Variants in PACRG observed in about 807,000 individuals in gnomAD.
PACRG encodes the protein parkin coregulated gene protein.
PACRG carries 29 observed loss-of-function variants against 29.7 expected under a neutral mutation model. The observed-to-expected ratio is 0.98, with a 90% CI of 0.73 to 1.33. The LOEUF is 1.33. PACRG is among the 40% of genes most tolerant of loss of function. PACRG has a pLI of 0.00. For synonymous variants in PACRG, 116 were observed against 118.7 expected, an observed-to-expected ratio of 0.98 and a Z score of 0.15; for missense variants, 279 against 316.2, an observed-to-expected ratio of 0.88 and a Z score of 0.89.
intron 2 of PACRG, among the ~76,000 whole-genome samples, chr6:162,986,927 A>G (rs1306729979): frequency 2.0e-5 from 3 of 150,444 alleles, no homozygotes; most frequent in African/African-American, 7.3e-5. Flanking sequence ...CTTATCCTGT[A>G]TTTTTTTTCA....
intron 2 of PACRG, among the ~76,000 whole-genome samples, chr6:163,039,023 A>G (rs370001917): frequency 5.9e-5 from 9 of 152,050 alleles, no homozygotes; most frequent in Non-Finnish European, 1.3e-4. Flanking sequence ...TCAAATCTCA[A>G]CTCAAACTGT....
chr6:163,000,349 G>A (rs1346796657), intron 2 of PACRG, among the ~76,000 whole-genome samples: 1 of 152,160 alleles, frequency 6.6e-6, no homozygotes, highest in Non-Finnish European at 1.5e-5. Flanking sequence ...GACTTGCCCA[G>A]AAGTCACCCT....
chr6:163,278,574 C>T (rs774923504), intron 4 of PACRG, among the ~76,000 whole-genome samples: 2 of 152,100 alleles, frequency 1.3e-5, no homozygotes, highest in Non-Finnish European at 2.9e-5. Flanking sequence ...ATCTCAGCAC[C>T]ATTTGTTGAA....
chr6:163,100,876 G>A, intron 4 of PACRG: 1 of 984,210 alleles, frequency 1.0e-6, no homozygotes, highest in Non-Finnish European at 1.2e-6. Flanking sequence ...TTTCTTGCTT[G>A]CCTGCTTTCT....
intron 4 of PACRG, among the ~76,000 whole-genome samples, chr6:163,178,514 T>TAGG (rs2128351904): frequency 6.6e-6 from 1 of 152,316 alleles, no homozygotes. Flanking sequence ...AGTATTAAAG[T>TAGG]AGGAGAAGCC....
At chr6:163,030,721 G>A (rs1562847842) in intron 2 of PACRG, among the ~76,000 whole-genome samples, 1 of 152,182 alleles carries the variant, frequency 6.6e-6, no homozygotes, top group Non-Finnish European at 1.5e-5. Flanking sequence ...TATACAAGGG[G>A]TGGACTATTC....
chr6:163,179,038 T>G lies in PACRG; in HGVS notation c.613+89630T>G, dbSNP rs535341043. ...ACTTTTCATTTGTGATGAGCTGAAT[T>G]TTCAGGCTGATGAAATAAGTCACTG... is the stretch of plus-strand genomic sequence containing the variant. On this transcript the variant is annotated intron_variant, in intron 4 of 4. Transcript: ENST00000366888. 1.2e-4 allele frequency among the ~76,000 whole-genome samples: 19 copies of G among 152,362 alleles called. No individual in the cohort carries two copies. The South Asian group carries it at 3.3e-3, about 27-fold the overall frequency.
rs760036755 is a variant in PACRG, at chr6:163,055,311, T to C, written c.292-6839T>C. Among the ~76,000 whole-genome samples the C allele has an allele frequency of 4.6e-5, 7 of 151,876 alleles. No individual in the cohort carries two copies. The highest frequency in any genetic ancestry group is 8.8e-5 in the Non-Finnish European group (6 of 67,966). On this transcript the variant is annotated intron_variant, in intron 2 of 4. Transcript: ENST00000366888. The surrounding 1 kb of genome is among the most constrained non-coding windows in gnomAD (Gnocchi z 4.0). ...CAGATATATTATTAAGACACACACA[T>C]GCACACATATCCAGGTGTGCACACA...
chr6:163,090,079 C>G (rs954607223), intron 4 of PACRG, among the ~76,000 whole-genome samples: 1 of 120,776 alleles, frequency 8.3e-6, no homozygotes, highest in African/African-American at 4.8e-5. Flanking sequence ...TGTTATAAGT[C>G]AACATGAAGT....
intron 2 of PACRG, among the ~76,000 whole-genome samples, chr6:162,968,915 C>T (rs1023390601): frequency 1.3e-5 from 2 of 151,598 alleles, no homozygotes; most frequent in African/African-American, 4.8e-5. Flanking sequence ...GGCGTGGTGG[C>T]GGGCGCCTGT....
chr6:162,940,247 A>G (rs1798521010), intron 2 of PACRG, among the ~76,000 whole-genome samples: 1 of 152,152 alleles, frequency 6.6e-6, no homozygotes, highest in African/African-American at 2.4e-5. Flanking sequence ...CTTAAGAGAG[A>G]ACTCAAACTT....
intron 1 of PACRG, among the ~76,000 whole-genome samples, chr6:162,807,556 T>C (rs1786459217): frequency 6.6e-6 from 1 of 152,182 alleles, no homozygotes; most frequent in East Asian, 1.9e-4. Context: ...GGCCAATTGG[T>C]GGAGCAGTTA....
chr6:163,303,014 G>T (rs1249555929), intron 4 of PACRG, among the ~76,000 whole-genome samples: 2 of 152,140 alleles, frequency 1.3e-5, no homozygotes, highest in Non-Finnish European at 2.9e-5. Flanking sequence ...ATAGTTTAAT[G>T]TGTTTGCTGA....
chr6:162,736,335 G>A (rs1398672385), intron 1 of PACRG, among the ~76,000 whole-genome samples: 2 of 152,044 alleles, frequency 1.3e-5, no homozygotes, highest in Non-Finnish European at 2.9e-5. Flanking sequence ...GTAGACTTTC[G>A]GTGGTCCAAT....
At chr6:162,755,982 G>A (rs35047146) in intron 1 of PACRG, among the ~76,000 whole-genome samples, 14,643 of 151,378 alleles carry the variant, frequency 0.097, 968 homozygotes, top group South Asian at 0.23. Flanking sequence ...TCCATTTCTT[G>A]TTTCATGCCA....
At chr6:162,797,305 A>G (rs1257631185) in intron 1 of PACRG, among the ~76,000 whole-genome samples, 1 of 152,124 alleles carries the variant, frequency 6.6e-6, no homozygotes, top group Admixed American at 6.5e-5. Flanking sequence ...CAACAACAGA[A>G]AAAAACCTAT....
At chr6:163,246,876 G>A (rs1163740907) in intron 4 of PACRG, among the ~76,000 whole-genome samples, 1 of 152,190 alleles carries the variant, frequency 6.6e-6, no homozygotes, top group Non-Finnish European at 1.5e-5. Flanking sequence ...TGAGAAAGTA[G>A]GAAAGCACAG....
intron 2 of PACRG, among the ~76,000 whole-genome samples, chr6:162,999,095 A>G (rs1274918283): frequency 6.6e-6 from 1 of 152,230 alleles, no homozygotes; most frequent in Non-Finnish European, 1.5e-5. Context: ...CAGAAAGAAT[A>G]TGAAAAAAAA....
At chr6:163,087,964 T>C (rs1813752741) in intron 3 of PACRG, among the ~76,000 whole-genome samples, 1 of 152,072 alleles carries the variant, frequency 6.6e-6, no homozygotes, top group Admixed American at 6.5e-5. Context: ...TTTGGTAACA[T>C]GAGGAATGCG....
Sources: gnomAD v4.1 joint callset for allele counts (sites outside exome capture counted in the v4.1 genomes callset) on GRCh38, gnomAD v4.1.1 for gene constraint, Gnocchi (gnomAD v3.1) non-coding constraint, MANE v1.5 for transcripts, NCBI Gene and HGNC (gene_info 2026-07-23, HGNC 2026-07-21) for gene names.